SUPT3H: variants seen among roughly 807,000 people sequenced by gnomAD.
The protein encoded by SUPT3H is transcription initiation protein SPT3 homolog.
Under a neutral mutation model 44.3 loss-of-function variants are expected in SUPT3H, and 44 were observed. The ratio of observed to expected loss-of-function variants is 0.99; its 90% confidence interval spans 0.78 to 1.28. SUPT3H has a LOEUF of 1.28. Ranked by LOEUF, SUPT3H falls within the 50% of genes most tolerant of loss-of-function variation. SUPT3H has a pLI of 0.00. For synonymous variants in SUPT3H, 124 were observed against 125.6 expected (o/e 0.99, Z 0.09); for missense variants, 380 against 387.1 (o/e 0.98, Z 0.15).
intron 2 of SUPT3H, among the ~76,000 whole-genome samples, chr6:45,158,472 A>G (rs1377699510): frequency 6.6e-6 from 1 of 151,462 alleles, no homozygotes; most frequent in Non-Finnish European, 1.5e-5. Context: ...TGGGCCCTAG[A>G]AGAAGGAACA....
chr6:45,292,991 C>T (rs559203815), intron 2 of SUPT3H, among the ~76,000 whole-genome samples: 2 of 151,990 alleles, frequency 1.3e-5, no homozygotes, highest in East Asian at 3.9e-4. Context: ...ATGAACTTAG[C>T]AGATATATAC....
intron 8 of SUPT3H, 54 bp from the exon 9 acceptor site, chr6:44,953,471 C>T (rs537594930): frequency 2.1e-6 from 3 of 1,444,626 alleles, no homozygotes; most frequent in Non-Finnish European, 2.9e-6. Flanking sequence ...ATGAATGCCA[C>T]TGAAGTGGCA....
intron 10 of SUPT3H, among the ~76,000 whole-genome samples, chr6:44,885,703 G>A (rs1006238113): frequency 6.6e-6 from 1 of 152,168 alleles, no homozygotes; most frequent in African/African-American, 2.4e-5. Flanking sequence ...CTAAAAAGCA[G>A]AGCACCTCTC....
At chr6:45,237,146 C>G (rs1410772376) in intron 2 of SUPT3H, among the ~76,000 whole-genome samples, 5 of 152,132 alleles carry the variant, frequency 3.3e-5, no homozygotes, top group Non-Finnish European at 5.9e-5. Context: ...GGCAAAGCAG[C>G]TTATTGGGTG....
intron 4 of SUPT3H, among the ~76,000 whole-genome samples, chr6:45,019,110 T>A (rs939214062): frequency 6.6e-6 from 1 of 152,208 alleles, no homozygotes; most frequent in African/African-American, 2.4e-5. Context: ...ATCCATTTCT[T>A]CTAGATTTTC....
Position 45,358,954 on chromosome 6 carries a change from G to A in SUPT3H, c.101+6247C>T, listed in dbSNP as rs117615172. Among the ~76,000 whole-genome samples, 382 of 152,084 alleles carry A rather than the reference G, an allele frequency of 2.5e-3. 14 individuals carry two copies. In the East Asian group the frequency reaches 0.066, roughly 26 times the overall value. Reference sequence around the variant, plus strand: ...ATTATACTGCAATTTTAGGCTGATGGGTCTGTGAATTTTTACCTATTTTTC... The same window carrying A: ...ATTATACTGCAATTTTAGGCTGATGAGTCTGTGAATTTTTACCTATTTTTC... On this transcript the variant is annotated intron_variant, in intron 2 of 10. Coordinates refer to ENST00000371459, the MANE Select transcript of SUPT3H (RefSeq NM_003599.4).
At position 44,983,096 on chromosome 6, in the gene SUPT3H, C is replaced by T. The variant is rs76995407; in HGVS notation, c.504+20557G>A. On this transcript the variant is annotated intron_variant, in intron 6 of 10. Transcript: ENST00000371459. The stretch of plus-strand genomic sequence containing the variant: ...GAGATTATGGTATTCAAATGTATGT[C>T]AATGCTCTTTGAAAATAAGTGTAAA... 2.7e-3 allele frequency among the ~76,000 whole-genome samples: 407 copies of T among 152,242 alleles called. 4 individuals carry two copies. The highest frequency in any genetic ancestry group is 8.3e-3 in the African/African-American group (343 of 41,544).
At chr6:45,224,217 C>T (rs916368762) in intron 2 of SUPT3H, among the ~76,000 whole-genome samples, 6 of 151,666 alleles carry the variant, frequency 4.0e-5, no homozygotes, top group South Asian at 2.1e-4. Flanking sequence ...TTCCTGTTCC[C>T]ATTGTATTGT....
intron 10 of SUPT3H, among the ~76,000 whole-genome samples, chr6:44,851,583 G>A (rs1208498903): frequency 6.6e-6 from 1 of 152,138 alleles, no homozygotes; most frequent in Non-Finnish European, 1.5e-5. Context: ...GGTCTCCTTG[G>A]AGAAACTTGT....
intron 2 of SUPT3H, among the ~76,000 whole-genome samples, chr6:45,284,552 T>G (rs1778843447): frequency 6.6e-6 from 1 of 152,158 alleles, no homozygotes; most frequent in African/African-American, 2.4e-5. Flanking sequence ...AGGAAGAAGT[T>G]GAATCTCTGA....
intron 2 of SUPT3H, among the ~76,000 whole-genome samples, chr6:45,143,212 A>G (rs1460143887): frequency 6.6e-6 from 1 of 152,124 alleles, no homozygotes; most frequent in Non-Finnish European, 1.5e-5. Context: ...TGGAACCAAC[A>G]TATTTACAGA....
intron 2 of SUPT3H, among the ~76,000 whole-genome samples, chr6:45,264,920 C>T (rs1365165523): frequency 6.6e-6 from 1 of 151,934 alleles, no homozygotes; most frequent in South Asian, 2.1e-4. Flanking sequence ...GAAGGCAAAA[C>T]ATATCCGAAC....
intron 2 of SUPT3H, among the ~76,000 whole-genome samples, chr6:45,107,475 C>T (rs1406264389): frequency 6.6e-6 from 1 of 152,074 alleles, no homozygotes; most frequent in Non-Finnish European, 1.5e-5. Context: ...CCAGAGAATG[C>T]ACTTTGCCTA....
chr6:44,906,424 A>C (rs1413441755), intron 10 of SUPT3H, among the ~76,000 whole-genome samples: 1 of 152,214 alleles, frequency 6.6e-6, no homozygotes, highest in Non-Finnish European at 1.5e-5. Context: ...TGCATTGTAC[A>C]ATGGATTTCA....
intron 2 of SUPT3H, among the ~76,000 whole-genome samples, chr6:45,193,357 T>G (rs2153620622): frequency 6.6e-6 from 1 of 152,296 alleles, no homozygotes; most frequent in South Asian, 2.1e-4. Context: ...TAAAAGGGAT[T>G]GTTTTTCATT....
intron 2 of SUPT3H, among the ~76,000 whole-genome samples, chr6:45,120,278 A>C (rs532692510): frequency 3.9e-5 from 6 of 152,040 alleles, no homozygotes; most frequent in South Asian, 2.1e-4. Flanking sequence ...AATAAAGAAA[A>C]TTTTAAAAGT....
intron 3 of SUPT3H, among the ~76,000 whole-genome samples, chr6:45,036,876 A>C (rs1333074940): frequency 6.6e-6 from 1 of 152,156 alleles, no homozygotes; most frequent in African/African-American, 2.4e-5. Context: ...CCCAAACAGA[A>C]TAGAGGAAGT....
At chr6:45,081,930 G>A (rs1397819342) in intron 3 of SUPT3H, among the ~76,000 whole-genome samples, 1 of 152,080 alleles carries the variant, frequency 6.6e-6, no homozygotes, top group African/African-American at 2.4e-5. Context: ...CAATGCATTA[G>A]TTTTATTTCA....
At chr6:44,879,474 G>A (rs1240235626) in intron 10 of SUPT3H, among the ~76,000 whole-genome samples, 1 of 152,218 alleles carries the variant, frequency 6.6e-6, no homozygotes, top group Non-Finnish European at 1.5e-5. Flanking sequence ...AGAGCATCTA[G>A]GGGAAGGGGT....
Sources: gnomAD v4.1 joint callset for allele counts (sites outside exome capture counted in the v4.1 genomes callset) on GRCh38, gnomAD v4.1.1 for gene constraint, MANE v1.5 for transcripts, NCBI Gene and HGNC (gene_info 2026-07-23, HGNC 2026-07-21) for gene names.